The following UBE3C variants were observed in gnomAD, a reference collection of about 807,000 sequenced individuals.
UBE3C encodes ubiquitin-protein ligase E3C.
In UBE3C, 42 loss-of-function variants were observed where a neutral mutation model predicts 129.4. The observed-to-expected ratio is 0.32, with a 90% CI of 0.25 to 0.42. The LOEUF (loss-of-function observed/expected upper bound fraction) is 0.42. Ranked by LOEUF, UBE3C falls within the 10% of genes least tolerant of loss-of-function variation. The pLI is 1.00. For synonymous variants in UBE3C, 510 were observed against 492.4 expected, an observed-to-expected ratio of 1.04 and a Z score of -0.47; for missense variants, 1,049 against 1,319.1, an observed-to-expected ratio of 0.80 and a Z score of 3.17.
intron 17 of UBE3C, among the ~76,000 whole-genome samples, chr7:157,227,552 T>C (rs145609937): frequency 0.063 from 9,404 of 149,932 alleles, 716 homozygotes; most frequent in African/African-American, 0.19. Context: ...CAAAAAAAAA[T>C]AGCTGGGCGT....
chr7:157,163,462 A>G (rs555781467), intron 1 of UBE3C, among the ~76,000 whole-genome samples: 1 of 152,204 alleles, frequency 6.6e-6, no homozygotes, highest in African/African-American at 2.4e-5. Flanking sequence ...CTCTGGGGTA[A>G]TATTTTACAA....
chr7:157,209,153 A>G (rs1178597353), intron 13 of UBE3C, among the ~76,000 whole-genome samples: 4 of 152,226 alleles, frequency 2.6e-5, no homozygotes, highest in Non-Finnish European at 4.4e-5. Context: ...GGGCCCATTA[A>G]TGCTTGCACT....
intron 10 of UBE3C, 26 bp from the exon 11 acceptor site, chr7:157,201,694 CT>C: frequency 2.0e-6 from 1 of 511,510 alleles, no homozygotes; most frequent in Non-Finnish European, 2.8e-6. Flanking sequence ...CTTTACTGTT[CT>C]GTGTTTTTCT....
At chr7:157,170,618 C>T (rs1248539485) in intron 4 of UBE3C, among the ~76,000 whole-genome samples, 168 bp downstream of exon 4, 1 of 152,144 alleles carries the variant, frequency 6.6e-6, no homozygotes, top group Non-Finnish European at 1.5e-5. Context: ...ATGTGTTTTA[C>T]CTCTTAAAAT....
intron 3 of UBE3C, 27 bp downstream of exon 3, chr7:157,169,149 T>A: frequency 6.3e-7 from 1 of 1,579,434 alleles, no homozygotes; most frequent in Non-Finnish European, 8.7e-7. Flanking sequence ...ATGAGGAGAT[T>A]AGTAGGGCAT....
At chr7:157,237,333 C>T (rs1353808833) in intron 18 of UBE3C, among the ~76,000 whole-genome samples, 1 of 151,972 alleles carries the variant, frequency 6.6e-6, no homozygotes, top group African/African-American at 2.4e-5. Flanking sequence ...CCCAGCTACT[C>T]AGGAGGCTGA....
At chr7:157,239,696 G>A (rs1178924561) in intron 18 of UBE3C, among the ~76,000 whole-genome samples, 1 of 152,168 alleles carries the variant, frequency 6.6e-6, no homozygotes, top group Non-Finnish European at 1.5e-5. Flanking sequence ...TCTAAAGATG[G>A]GAGAAATAAC....
In UBE3C at chr7:157,174,827, A is replaced by C. The variant is rs577492285; in HGVS notation, c.343-92A>C. ...TTTGATTAGGTTTGATTAAATGTGC[A>C]TTGCCACTAAAGGAAATTTGGGGTA... On this transcript the variant is annotated intron_variant, in intron 4 of 22. Transcript: ENST00000348165. 76 of 853,758 alleles carry C rather than the reference A, an allele frequency of 8.9e-5. No individual in the cohort carries two copies. The African/African-American group carries it at 1.1e-3, about 12-fold the overall frequency. 52.9% of individuals were successfully genotyped at this position (853,758 alleles called of 1,614,324 possible).
At chr7:157,234,772 G>C (rs1344769461) in intron 18 of UBE3C, among the ~76,000 whole-genome samples, 3 of 152,156 alleles carry the variant, frequency 2.0e-5, no homozygotes, top group African/African-American at 7.2e-5. Flanking sequence ...ATTTGATGTT[G>C]ATTTGTGAGT....
At chr7:157,188,930 G>A in intron 10 of UBE3C, 1 of 662,676 alleles carries the variant, frequency 1.5e-6, no homozygotes, top group Non-Finnish European at 2.8e-6. Flanking sequence ...TTTAATTTCT[G>A]TTTAACACTG....
At chr7:157,197,640 G>T (rs1408611387) in intron 10 of UBE3C, 9 of 1,608,600 alleles carry the variant, frequency 5.6e-6, no homozygotes, top group Non-Finnish European at 7.7e-6. Context: ...AAGAATATCT[G>T]CTTCTAGCAG....
chr7:157,165,105 A>C lies in UBE3C; in HGVS notation c.120+1242A>C, dbSNP rs147668509. Among the ~76,000 whole-genome samples the C allele has an allele frequency of 3.5e-3, 533 of 152,200 alleles. 5 individuals are homozygous for C. Among genetic ancestry groups the C allele is most frequent in the African/African-American group, 0.012 (506 of 41,508 alleles). On this transcript the variant is annotated intron_variant, in intron 2 of 22. Transcript: ENST00000348165. ...CCAAAAATGTCACCAGAAACTACCAAATGTCCCAGGGAGGGCACTGCTCAA... is the reference window on the plus strand; with the variant it reads ...CCAAAAATGTCACCAGAAACTACCACATGTCCCAGGGAGGGCACTGCTCAA...
At position 157,254,402 on chromosome 7, in the gene UBE3C, A is replaced by T. The variant is rs867139350; in HGVS notation, c.2950+92A>T. 1,613 of 599,376 alleles carry T rather than the reference A, an allele frequency of 2.7e-3. 19 individuals carry two copies. Among genetic ancestry groups the T allele is most frequent in the African/African-American group, 0.019 (814 of 43,948 alleles). 37.1% of individuals were successfully genotyped at this position (599,376 alleles called of 1,614,324 possible). A position where few individuals can be genotyped will look rare whatever the true frequency, so the allele number is the denominator to read the frequency against. On this transcript the variant is annotated intron_variant, in intron 21 of 22. Coordinates refer to ENST00000348165, the MANE Select transcript of UBE3C (RefSeq NM_014671.3). ...TTATTTTATTTTAATTAATTTATTT[A>T]TTTTTTTTTTTTCAGACTGAGTTTC...
chr7:157,245,697 C>T (rs1033929841), intron 18 of UBE3C, among the ~76,000 whole-genome samples: 3 of 152,148 alleles, frequency 2.0e-5, no homozygotes, highest in African/African-American at 7.2e-5. Flanking sequence ...AGAGGCCAGC[C>T]GCAGTCTTCC....
At chr7:157,142,874 A>G (rs7809255) in intron 1 of UBE3C, among the ~76,000 whole-genome samples, 2 of 145,596 alleles carry the variant, frequency 1.4e-5, no homozygotes, top group African/African-American at 5.2e-5. Flanking sequence ...TTTTTTTGAG[A>G]TGGAGTTTCG....
At chr7:157,249,203 C>T (rs1197151500) in intron 19 of UBE3C, among the ~76,000 whole-genome samples, 1 of 152,128 alleles carries the variant, frequency 6.6e-6, no homozygotes, top group East Asian at 1.9e-4. Context: ...AGCACATTTT[C>T]CTCGGTCTAC....
chr7:157,267,158 T>C (rs1797100140), intron 22 of UBE3C, among the ~76,000 whole-genome samples: 1 of 152,172 alleles, frequency 6.6e-6, no homozygotes. Flanking sequence ...GCACGGTGGC[T>C]CACGCCTGTA....
chr7:157,187,060 C>T, intron 10 of UBE3C, 39 bp downstream of exon 10: 1 of 1,545,106 alleles, frequency 6.5e-7, no homozygotes, highest in Non-Finnish European at 8.7e-7. Context: ...GGGTGCCAGC[C>T]AGAGAACATA....
At chr7:157,219,593 A>G (rs1795680510) in intron 14 of UBE3C, among the ~76,000 whole-genome samples, 1 of 152,148 alleles carries the variant, frequency 6.6e-6, no homozygotes, top group Admixed American at 6.5e-5. Flanking sequence ...ACAGGATGAA[A>G]GTTTCTTCAT....
Sources: gnomAD v4.1 joint callset for allele counts (sites outside exome capture counted in the v4.1 genomes callset) on GRCh38, gnomAD v4.1.1 for gene constraint, MANE v1.5 for transcripts, NCBI Gene and HGNC (gene_info 2026-07-23, HGNC 2026-07-21) for gene names.